Variants in GRID1 observed in about 807,000 individuals in gnomAD.
The protein encoded by GRID1 is glutamate receptor ionotropic, delta-1.
A neutral mutation model predicts 98.0 loss-of-function variants in GRID1; 28 were observed. That is an observed-to-expected ratio of 0.29 (90% CI 0.21 to 0.39). The LOEUF is 0.39. GRID1 is among the 10% of genes least tolerant of loss of function. The pLI is 1.00. For missense variants in GRID1, 1,111 were observed against 1,340.5 expected, an observed-to-expected ratio of 0.83 and a Z score of 2.67; for synonymous variants, 553 against 538.5, an observed-to-expected ratio of 1.03 and a Z score of -0.37.
chr10:85,876,152 T>C (rs1216057381), intron 5 of GRID1, among the ~76,000 whole-genome samples: 4 of 152,310 alleles, frequency 2.6e-5, no homozygotes, highest in Admixed American at 2.6e-4. Context: ...CAAATTATCA[T>C]AAACTTAGTG....
At chr10:86,019,350 C>A (rs1445502956) in intron 4 of GRID1, among the ~76,000 whole-genome samples, 1 of 152,238 alleles carries the variant, frequency 6.6e-6, no homozygotes, top group Non-Finnish European at 1.5e-5. Flanking sequence ...CCCTGGGAAC[C>A]TCTCTACAAA....
chr10:86,248,884 A>G (rs1846776431), intron 2 of GRID1, among the ~76,000 whole-genome samples: 1 of 152,160 alleles, frequency 6.6e-6, no homozygotes, highest in South Asian at 2.1e-4. Flanking sequence ...CTTACCTCTC[A>G]GTTGCTATCA....
rs370618886 is a variant in GRID1 at position 85,632,226 on chromosome 10, T to C, written c.2194-12193A>G. Among the ~76,000 whole-genome samples the C allele has an allele frequency of 4.6e-4, 70 of 152,262 alleles. 1 individual carries two copies. In the East Asian group the frequency reaches 9.1e-3, roughly 20 times the overall value. ...GCCCCTCCAGGTCTGCCCTCCACCC[T>C]TTTCCACCCTGAAGTCTCTTCCAGA... On this transcript the variant is annotated intron_variant, in intron 13 of 15. Transcript: ENST00000327946.
chr10:85,928,782 G>A (rs1841810788), intron 4 of GRID1, among the ~76,000 whole-genome samples: 1 of 152,118 alleles, frequency 6.6e-6, no homozygotes, highest in African/African-American at 2.4e-5. Flanking sequence ...TAAATGTCAT[G>A]TTACTGGAAT....
chr10:86,160,588 A>G (rs554003757), intron 3 of GRID1, among the ~76,000 whole-genome samples: 2 of 152,312 alleles, frequency 1.3e-5, no homozygotes, highest in East Asian at 3.9e-4. Context: ...TTTCAGACCC[A>G]AGTGCCTGCC....
At chr10:86,053,313 C>G (rs1843526481) in intron 4 of GRID1, among the ~76,000 whole-genome samples, 1 of 152,026 alleles carries the variant, frequency 6.6e-6, no homozygotes, top group Non-Finnish European at 1.5e-5. Context: ...GATAGCTACT[C>G]TCGTGGACAT....
At chr10:86,156,200 C>T (rs955927769) in intron 3 of GRID1, among the ~76,000 whole-genome samples, 5 of 152,172 alleles carry the variant, frequency 3.3e-5, no homozygotes, top group African/African-American at 1.2e-4. Flanking sequence ...TGTTGCCTGC[C>T]CAGCACATCC....
chr10:85,738,765 G>A (rs1036583158), intron 8 of GRID1, among the ~76,000 whole-genome samples: 1 of 152,186 alleles, frequency 6.6e-6, no homozygotes, highest in East Asian at 1.9e-4. Flanking sequence ...CGTGCTTTAC[G>A]ATGCTGTTAA....
rs75279763 is a variant in GRID1, at chr10:86,315,044, C to T, written c.235+48897G>A. 1.8e-4 allele frequency among the ~76,000 whole-genome samples: 28 copies of T among 152,134 alleles called. No homozygotes were observed. The East Asian group carries it at 4.6e-3, about 25-fold the overall frequency. On this transcript the variant is annotated intron_variant, in intron 2 of 15. Coordinates refer to ENST00000327946, the MANE Select transcript of GRID1 (RefSeq NM_017551.3). Reference sequence around the variant, plus strand: ...CTGCTGGCATCCGATCCTGTTGTGCCGCACCCAGTTCAGAGCCGCCCTGCT... The same window carrying T: ...CTGCTGGCATCCGATCCTGTTGTGCTGCACCCAGTTCAGAGCCGCCCTGCT...
At chr10:86,143,995 A>G (rs1265569504) in intron 3 of GRID1, among the ~76,000 whole-genome samples, 1 of 152,136 alleles carries the variant, frequency 6.6e-6, no homozygotes, top group African/African-American at 2.4e-5. Context: ...AGCCTGCCGG[A>G]GTCCTGCCAG....
At chr10:86,352,040 C>T (rs188784074) in intron 2 of GRID1, among the ~76,000 whole-genome samples, 26 of 152,326 alleles carry the variant, frequency 1.7e-4, no homozygotes, top group Middle Eastern at 3.4e-3. Flanking sequence ...TGATGGCTCA[C>T]GCCTGTAATC....
At position 85,861,557 on chromosome 10, in the gene GRID1, G is replaced by A. The variant is rs1843164303; in HGVS notation, c.952-5367C>T. On this transcript the variant is annotated intron_variant, in intron 6 of 15. Transcript: ENST00000327946. ...TGTGTGGTGGAGGGTGGAGGGGGAA[G>A]CTTTATAATACCCTGACTCTGGTTC... Among the ~76,000 whole-genome samples the A allele has an allele frequency of 2.6e-5, 4 of 152,202 alleles. No homozygotes were observed. The South Asian group carries it at 8.3e-4, about 31-fold the overall frequency.
intron 4 of GRID1, among the ~76,000 whole-genome samples, chr10:86,040,456 A>T (rs1843330033): frequency 6.6e-6 from 1 of 151,064 alleles, no homozygotes; most frequent in Non-Finnish European, 1.5e-5. Flanking sequence ...TCATTACGTT[A>T]AGGGAATTAG....
chr10:86,000,104 A>C (rs1842786841), intron 4 of GRID1, among the ~76,000 whole-genome samples: 1 of 152,246 alleles, frequency 6.6e-6, no homozygotes, highest in South Asian at 2.1e-4. Context: ...AATTTCTTGA[A>C]ACAAAAATGA....
intron 3 of GRID1, among the ~76,000 whole-genome samples, chr10:86,184,366 G>C (rs1367856972): frequency 1.3e-5 from 2 of 150,968 alleles, no homozygotes; most frequent in African/African-American, 2.4e-5. Flanking sequence ...TTTTCTCCTA[G>C]TAGTTTTATA....
chr10:86,288,478 G>A (rs935735848), intron 2 of GRID1, among the ~76,000 whole-genome samples: 14 of 152,174 alleles, frequency 9.2e-5, no homozygotes, highest in African/African-American at 3.4e-4. Context: ...TGCTATTCTA[G>A]AATGTGGTCA....
chr10:86,239,721 G>A (rs1274013479), intron 2 of GRID1, among the ~76,000 whole-genome samples: 1 of 152,158 alleles, frequency 6.6e-6, no homozygotes, highest in Non-Finnish European at 1.5e-5. Flanking sequence ...AGCTATGTAA[G>A]ACATGCCTGT....
In GRID1 at chr10:85,869,167, G is replaced by A. The variant is rs547617321; in HGVS notation, c.794C>T (p.Pro265Leu). The change falls in exon 6 of 16, where the codon CCG becomes CTG. Residue 265 changes from proline (P) to leucine (L), a missense_variant. Pro to Leu is a moderately conservative substitution (Grantham distance 98). Coordinates refer to ENST00000327946, the MANE Select transcript of GRID1 (RefSeq NM_017551.3). The stretch of plus-strand genomic sequence containing the variant: ...ACTATGGACCAGATCCAGGATCTCC[G>A]GGTCACTGATTTCCTAGAAAAATAA... The part of the protein sequence containing the change: ...WVFVNEEISD[P>L]EILDLVHSAL... 64 of 1,613,324 alleles carry A rather than the reference G, an allele frequency of 4.0e-5. No individual in the cohort carries two copies. The highest frequency in any genetic ancestry group is 2.0e-4 in the Admixed American group (12 of 60,014).
chr10:85,961,732 C>G (rs1371187695), intron 4 of GRID1, among the ~76,000 whole-genome samples: 1 of 151,796 alleles, frequency 6.6e-6, no homozygotes, highest in East Asian at 1.9e-4. Context: ...TTCCTTCCTT[C>G]CCATCCTCCT....
Sources: allele counts gnomAD v4.1 joint callset (sites outside exome capture counted in the v4.1 genomes callset), GRCh38; gene constraint gnomAD v4.1.1; transcripts MANE v1.5; gene names NCBI Gene and HGNC (gene_info 2026-07-23, HGNC 2026-07-21).